The following CLASP1 variants were observed in gnomAD, a reference collection of about 807,000 sequenced individuals.
CLASP1 encodes cytoplasmic linker associated protein 1.
In CLASP1, 38 loss-of-function variants were observed where a neutral mutation model predicts 192.3. The observed-to-expected ratio is 0.20, with a 90% CI of 0.15 to 0.26. The LOEUF (loss-of-function observed/expected upper bound fraction) is 0.26, where lower values mean the gene tolerates loss of function less well. CLASP1 is among the 10% of genes least tolerant of loss of function. The pLI, the probability that CLASP1 is intolerant of heterozygous loss-of-function variation, is 1.00. For synonymous variants in CLASP1, 691 were observed against 712.8 expected (o/e 0.97, Z 0.49); for missense variants, 1,433 against 1,932.5 (o/e 0.74, Z 4.85).
chr2:121,579,432 A>C (rs2060898995), intron 2 of CLASP1, among the ~76,000 whole-genome samples: 1 of 152,184 alleles, frequency 6.6e-6, no homozygotes, highest in Non-Finnish European at 1.5e-5. Flanking sequence ...TAATTCTAAA[A>C]TATCTTCATC....
chr2:121,503,161 A>G lies in CLASP1; in HGVS notation c.712+6T>C, dbSNP rs1489378030. The G allele has an allele frequency of 7.1e-6, 11 of 1,539,832 alleles. No homozygotes were observed. The Admixed American group carries it at 9.9e-5, about 14-fold the overall frequency. Reference sequence around the variant, plus strand: ...AGCAAAAGTAGGGATTGCTTTTTCTACTCACCATTTGCAGATTGTATCATG... The same window carrying G: ...AGCAAAAGTAGGGATTGCTTTTTCTGCTCACCATTTGCAGATTGTATCATG... On this transcript the variant is annotated splice_donor_region_variant and intron_variant, in intron 8 of 39. Transcript: ENST00000263710.
intron 2 of CLASP1, among the ~76,000 whole-genome samples, chr2:121,558,879 T>G (rs1016694625): frequency 6.6e-6 from 1 of 152,202 alleles, no homozygotes; most frequent in African/African-American, 2.4e-5. Context: ...CTCTCATGGT[T>G]CTGTTCAGAA....
intron 2 of CLASP1, among the ~76,000 whole-genome samples, chr2:121,583,206 A>T (rs1010443863): frequency 3.3e-5 from 5 of 152,200 alleles, no homozygotes; most frequent in African/African-American, 1.2e-4. Context: ...TTGAAAATTT[A>T]AATGTACCTA....
chr2:121,573,053 G>C (rs571709807), intron 2 of CLASP1, among the ~76,000 whole-genome samples: 5 of 152,094 alleles, frequency 3.3e-5, no homozygotes, highest in Non-Finnish European at 7.4e-5. Context: ...TCCACCTCCC[G>C]GGTTCAAGCA....
In CLASP1 at chr2:121,406,199, G is replaced by T. The variant is rs538905171; in HGVS notation, c.2669+1272C>A. Reference sequence around the variant, plus strand: ...ATAAGGGTGTGTCTATGGTGCCTTAGATTTGACAAAATATGGTATAACCAC... The same window carrying T: ...ATAAGGGTGTGTCTATGGTGCCTTATATTTGACAAAATATGGTATAACCAC... On this transcript the variant is annotated intron_variant, in intron 25 of 39. Transcript: ENST00000263710. Among the ~76,000 whole-genome samples the T allele has an allele frequency of 2.6e-5, 4 of 152,258 alleles. No individual in the cohort carries two copies. In the South Asian group the frequency reaches 8.3e-4, roughly 32 times the overall value.
intron 8 of CLASP1, among the ~76,000 whole-genome samples, chr2:121,479,799 A>C (rs1240454350): frequency 6.6e-6 from 1 of 152,210 alleles, no homozygotes; most frequent in Non-Finnish European, 1.5e-5. Flanking sequence ...CCATATTCTG[A>C]AACAAAAATC....
chr2:121,581,351 T>TGCAAGCTC (rs1169073262), intron 2 of CLASP1, among the ~76,000 whole-genome samples: 8 of 137,918 alleles, frequency 5.8e-5, no homozygotes, highest in Non-Finnish European at 1.1e-4. Flanking sequence ...CTCGGCTCAC[T>TGCAAGCTC]GCAAGCTCCG....
At chr2:121,506,514 AGG>A (rs1183607443) in intron 7 of CLASP1, among the ~76,000 whole-genome samples, 1 of 151,922 alleles carries the variant, frequency 6.6e-6, no homozygotes, top group East Asian at 1.9e-4. Context: ...GGGGGGAAGG[AGG>A]GGTAGAAATT....
intron 2 of CLASP1, among the ~76,000 whole-genome samples, chr2:121,561,858 C>A (rs2059117488): frequency 6.6e-6 from 1 of 152,178 alleles, no homozygotes; most frequent in African/African-American, 2.4e-5. Context: ...TCATCAGTTT[C>A]CTACCTTTGA....
intron 37 of CLASP1, among the ~76,000 whole-genome samples, chr2:121,353,714 A>C (rs891443582): frequency 6.6e-6 from 1 of 152,240 alleles, no homozygotes; most frequent in Non-Finnish European, 1.5e-5. Flanking sequence ...CATGACTGGC[A>C]CAATGTCCAG....
chr2:121,409,126 C>T, intron 24 of CLASP1: 1 of 1,218,748 alleles, frequency 8.2e-7, no homozygotes, highest in Non-Finnish European at 1.2e-6. Flanking sequence ...ATTGTTCTTG[C>T]AACAAAAGTG....
chr2:121,423,945 C>A (rs2079968843), intron 22 of CLASP1, among the ~76,000 whole-genome samples: 1 of 152,206 alleles, frequency 6.6e-6, no homozygotes, highest in African/African-American at 2.4e-5. Flanking sequence ...CCCCCAACTC[C>A]CACCCACTCT....
chr2:121,420,563 C>T (rs540451184), intron 22 of CLASP1, among the ~76,000 whole-genome samples: 34 of 152,298 alleles, frequency 2.2e-4, no homozygotes, highest in African/African-American at 5.1e-4. Flanking sequence ...AAAAAGAACA[C>T]GTCCCCTCAT....
At chr2:121,637,755 G>A (rs991536892) in intron 1 of CLASP1, among the ~76,000 whole-genome samples, 1 of 152,080 alleles carries the variant, frequency 6.6e-6, no homozygotes, top group Non-Finnish European at 1.5e-5. Context: ...GAATGGTGGT[G>A]CATGCCTGTA....
intron 8 of CLASP1, among the ~76,000 whole-genome samples, chr2:121,474,493 T>A (rs535841345): frequency 6.6e-6 from 1 of 152,076 alleles, no homozygotes; most frequent in Admixed American, 6.5e-5. Flanking sequence ...TCCCAGCACT[T>A]TGGGCGGCCG....
chr2:121,411,030 C>A (rs2077619785), intron 23 of CLASP1, 61 bp from the exon 25 acceptor site: 1 of 1,075,844 alleles, frequency 9.3e-7, no homozygotes, highest in East Asian at 2.6e-5. Flanking sequence ...CAATTCCTTG[C>A]AAGGACTACT....
chr2:121,415,790 T>G (rs2078475669), intron 23 of CLASP1, among the ~76,000 whole-genome samples: 1 of 152,190 alleles, frequency 6.6e-6, no homozygotes, highest in African/African-American at 2.4e-5. Context: ...GCTCTCACAT[T>G]CAGTCATAAA....
chr2:121,365,066 GC>G (rs562418103), intron 36 of CLASP1, 27 bp downstream of exon 37: 5 of 1,610,098 alleles, frequency 3.1e-6, no homozygotes, highest in Non-Finnish European at 4.2e-6. Context: ...ATGGAAAGGG[GC>G]AAGATAAGGC....
intron 2 of CLASP1, among the ~76,000 whole-genome samples, chr2:121,598,406 G>A (rs1180404203): frequency 6.6e-6 from 1 of 152,212 alleles, no homozygotes; most frequent in Non-Finnish European, 1.5e-5. Context: ...CTGGAACACA[G>A]CCAAGCCTGT....
Sources: allele counts gnomAD v4.1 joint callset (sites outside exome capture counted in the v4.1 genomes callset), GRCh38; gene constraint gnomAD v4.1.1; transcripts MANE v1.5; gene names NCBI Gene and HGNC (gene_info 2026-07-23, HGNC 2026-07-21).